ZSCAN23: variants seen among roughly 807,000 people sequenced by gnomAD.
The protein encoded by ZSCAN23 is zinc finger and SCAN domain-containing protein 23.
ZSCAN23 carries 19 observed loss-of-function variants against 19.3 expected under a neutral mutation model. The observed-to-expected ratio is 0.99, with a 90% confidence interval of 0.69 to 1.45. The LOEUF (loss-of-function observed/expected upper bound fraction) is 1.45. ZSCAN23 is among the 40% of genes most tolerant of loss of function. ZSCAN23 has a pLI of 0.00. For missense variants in ZSCAN23, 372 were observed against 462.5 expected, an observed-to-expected ratio of 0.80 and a Z score of 1.79; for synonymous variants, 140 against 166.2, an observed-to-expected ratio of 0.84 and a Z score of 1.21.
At chr6:28,435,636 C>A (rs985254601) in intron 2 of ZSCAN23, 29 bp from the exon 3 acceptor site, 1 of 1,540,372 alleles carries the variant, frequency 6.5e-7, no homozygotes. Flanking sequence ...AGTTGGGAAC[C>A]CAATATCAGA....
chr6:28,424,368 A>G, the ZSCAN23 span, among the ~76,000 whole-genome samples: 1 of 152,296 alleles, frequency 6.6e-6, no homozygotes, highest in East Asian at 1.9e-4. Context: ...CTCATGGCTG[A>G]TTAGGGTGAT....
the ZSCAN23 span, among the ~76,000 whole-genome samples, chr6:28,425,318 T>A: frequency 6.6e-6 from 1 of 152,130 alleles, no homozygotes; most frequent in Non-Finnish European, 1.5e-5. Context: ...TTTAGCATGA[T>A]TCTTTTTGTT....
intron 1 of ZSCAN23, among the ~76,000 whole-genome samples, chr6:28,442,791 T>C (rs901495069): frequency 1.3e-5 from 2 of 152,222 alleles, no homozygotes; most frequent in African/African-American, 4.8e-5. Flanking sequence ...TTCATTTTCT[T>C]CTTGTATGTT....
In ZSCAN23 at chr6:28,434,751, T is replaced by C. The variant is rs928851234; in HGVS notation, c.884A>G (p.His295Arg). 11 of 1,602,772 alleles carry C rather than the reference T, an allele frequency of 6.9e-6. No individual in the cohort carries two copies. The highest frequency in any genetic ancestry group is 9.4e-6 in the Non-Finnish European group (11 of 1,174,480). Residue 295 changes from histidine to arginine, a missense_variant, in exon 4 of 4, where the codon CAC (histidine) becomes CGC (arginine). His to Arg is a conservative substitution (Grantham distance 29). Coordinates refer to ENST00000289788, the MANE Select transcript of ZSCAN23 (RefSeq NM_001012455.2). ...AFSQRSGLFQHQRLHTGEKRY... is the reference protein window; with the variant it reads ...AFSQRSGLFQRQRLHTGEKRY... ...CTTCTCCCCAGTGTGGAGTCTCTGG[T>C]GCTGGAATAGGCCTGACCTCTGGCT...
At chr6:28,422,155 A>G in the ZSCAN23 span, among the ~76,000 whole-genome samples, 1 of 152,086 alleles carries the variant, frequency 6.6e-6, no homozygotes, top group African/African-American at 2.4e-5. The surrounding 1 kb of genome is among the most constrained non-coding windows in gnomAD (Gnocchi z 4.0). Flanking sequence ...GCTGGGTGAC[A>G]GGTTTGTGGG....
chr6:28,440,956 C>G (rs1418819859), intron 1 of ZSCAN23, among the ~76,000 whole-genome samples: 1 of 152,196 alleles, frequency 6.6e-6, no homozygotes, highest in Non-Finnish European at 1.5e-5. Context: ...TTTTGTAATA[C>G]TGCCCTCCTC....
rs1041295550 is a variant in ZSCAN23 at position 28,434,484 on chromosome 6, G to A, written c.1151C>T (p.Pro384Leu). 8 of 1,546,398 alleles carry A rather than the reference G, an allele frequency of 5.2e-6. No homozygotes were observed. The highest frequency in any genetic ancestry group is 7.0e-6 in the Non-Finnish European group (8 of 1,143,578). ...CNLIQHRKVH[P>L]VAESS is the part of the protein sequence containing the mutation. ...AAGGAGCTAGCTTGATTCAGCCACT[G>A]GGTGGACTTTCCGATGCTGGATTAG... Residue 384 changes from proline to leucine, a missense_variant, in exon 4 of 4, where the codon CCA becomes CTA. By Grantham distance (98) the Pro-to-Leu change is moderately conservative. Transcript: ENST00000289788.
At chr6:28,427,082 C>T (rs903574967), downstream of ZSCAN23, among the ~76,000 whole-genome samples, 5 of 152,308 alleles carry the variant, frequency 3.3e-5, no homozygotes, top group East Asian at 1.9e-4. Context: ...CATGAGCCAC[C>T]GCGCCTGGCC....
rs1195978971 is a variant in ZSCAN23 at position 28,434,454 on chromosome 6, G to A, written c.*11C>T. The A allele has an allele frequency of 1.3e-6, 2 of 1,526,160 alleles. No homozygotes were observed. The highest frequency in any genetic ancestry group is 2.0e-5 in the Admixed American group (1 of 49,810). The allele number at this position is 1,526,160 out of a possible 1,614,324, so 94.5% of individuals were successfully genotyped here. A position where few individuals can be genotyped will look rare whatever the true frequency, so the allele number is the denominator to read the frequency against. On this transcript the variant is annotated 3_prime_UTR_variant, in exon 4 of 4. Coordinates refer to ENST00000289788, the MANE Select transcript of ZSCAN23 (RefSeq NM_001012455.2). ...AAGTAAGAAATATTATCCCCTACCT[G>A]TTCCAAGGAGCTAGCTTGATTCAGC...
chr6:28,442,263 G>T (rs1276713358), intron 1 of ZSCAN23, among the ~76,000 whole-genome samples: 1 of 152,172 alleles, frequency 6.6e-6, no homozygotes, highest in Non-Finnish European at 1.5e-5. Context: ...GTCAACAACT[G>T]CCTTGCCAAC....
chr6:28,441,663 G>A (rs1042915316), intron 1 of ZSCAN23, among the ~76,000 whole-genome samples: 3 of 151,824 alleles, frequency 2.0e-5, no homozygotes, highest in Non-Finnish European at 2.9e-5. Context: ...AAAGTAGAGA[G>A]GAATATAGAA....
chr6:28,430,092 T>C (rs1476269466), downstream of ZSCAN23, among the ~76,000 whole-genome samples: 2 of 152,226 alleles, frequency 1.3e-5, no homozygotes, highest in Non-Finnish European at 2.9e-5. Context: ...CCACTCAGTC[T>C]GGGCTGACTT....
At chr6:28,440,146 T>C (rs2114040154) in intron 1 of ZSCAN23, among the ~76,000 whole-genome samples, 1 of 152,280 alleles carries the variant, frequency 6.6e-6, no homozygotes, top group East Asian at 1.9e-4. Context: ...AACTGCCAAG[T>C]GCAAATTTTT....
At chr6:28,437,253 C>T (rs571975762) in intron 1 of ZSCAN23, among the ~76,000 whole-genome samples, 42 of 152,214 alleles carry the variant, frequency 2.8e-4, no homozygotes, top group Admixed American at 1.0e-3. Flanking sequence ...CTTTCTCTTG[C>T]CCTTTAATTT....
chr6:28,431,082 T>C (rs1001196307), downstream of ZSCAN23, among the ~76,000 whole-genome samples: 1 of 151,994 alleles, frequency 6.6e-6, no homozygotes. Context: ...TAACAATGGG[T>C]TTGTCTTAAT....
chr6:28,430,118 T>C (rs1761732345), downstream of ZSCAN23, among the ~76,000 whole-genome samples: 1 of 126,636 alleles, frequency 7.9e-6, no homozygotes, highest in Admixed American at 8.0e-5. Flanking sequence ...TCTCCCCTGC[T>C]GAAGACACTT....
rs985330468 is a variant in ZSCAN23 at position 28,433,506 on chromosome 6, T to G, written c.*959A>C. 3 of 152,166 alleles carry G rather than the reference T, an allele frequency of 2.0e-5. No individual in the cohort carries two copies. 9.4% of individuals were successfully genotyped at this position (152,166 alleles called of 1,614,324 possible). A position where few individuals can be genotyped will look rare whatever the true frequency, so the allele number is the denominator to read the frequency against. ...ATAGGTTTTCCATTTCTTTGTCTCC[T>G]GGACCTTGTGTAAAGCTTTGTAAAG... On this transcript the variant is annotated 3_prime_UTR_variant, in exon 4 of 4. Transcript: ENST00000289788.
chr6:28,423,583 C>T, the ZSCAN23 span, among the ~76,000 whole-genome samples: 1 of 152,134 alleles, frequency 6.6e-6, no homozygotes, highest in African/African-American at 2.4e-5. Flanking sequence ...GAAGCTGGAC[C>T]CTTGAGGCCC....
At chr6:28,438,898 A>G (rs1430862698) in intron 1 of ZSCAN23, among the ~76,000 whole-genome samples, 1 of 152,184 alleles carries the variant, frequency 6.6e-6, no homozygotes, top group East Asian at 1.9e-4. Context: ...TTAGATTCAT[A>G]TTGTGATTAT....
Sources: allele counts gnomAD v4.1 joint callset (sites outside exome capture counted in the v4.1 genomes callset), GRCh38; gene constraint gnomAD v4.1.1; non-coding constraint Gnocchi (gnomAD v3.1); transcripts MANE v1.5; gene names NCBI Gene and HGNC (gene_info 2026-07-23, HGNC 2026-07-21).